Variants in TMCC1 observed in about 807,000 individuals in gnomAD.
The protein encoded by TMCC1 is transmembrane and coiled-coil domain family 1, also known as transmembrane and coiled-coil domains protein 1.
In TMCC1, 15 loss-of-function variants were observed where a neutral mutation model predicts 52.4. That is an observed-to-expected ratio of 0.29 (90% confidence interval 0.19 to 0.44). The LOEUF (loss-of-function observed/expected upper bound fraction) is 0.44, where lower values mean the gene tolerates loss of function less well. Among genes scored for constraint, TMCC1 ranks in the 20% least tolerant of loss-of-function variants. The pLI, the probability that TMCC1 is intolerant of heterozygous loss-of-function variation, is 1.00. For missense variants in TMCC1, 503 were observed against 806.0 expected, an observed-to-expected ratio of 0.62 and a Z score of 4.55; for synonymous variants, 279 against 301.9, an observed-to-expected ratio of 0.92 and a Z score of 0.79.
At chr3:129,677,732 A>G (rs2088581850) in intron 4 of TMCC1, among the ~76,000 whole-genome samples, 1 of 152,204 alleles carries the variant, frequency 6.6e-6, no homozygotes, top group Admixed American at 6.5e-5. Context: ...TGAAGAGTAG[A>G]GGGTCCAAGG....
chr3:129,736,048 C>T (rs906342123), intron 4 of TMCC1, among the ~76,000 whole-genome samples: 4 of 152,208 alleles, frequency 2.6e-5, no homozygotes, highest in African/African-American at 9.7e-5. Context: ...GGGAGTTTTA[C>T]TCATTCTATA....
intron 4 of TMCC1, among the ~76,000 whole-genome samples, chr3:129,785,318 T>C (rs975615225): frequency 1.3e-5 from 2 of 152,160 alleles, no homozygotes; most frequent in Non-Finnish European, 2.9e-5. Flanking sequence ...ATTACCATGT[T>C]CCAAGTTTTC....
intron 4 of TMCC1, among the ~76,000 whole-genome samples, chr3:129,712,107 G>T (rs2048744984): frequency 6.6e-6 from 1 of 151,904 alleles, no homozygotes; most frequent in Admixed American, 6.6e-5. Flanking sequence ...AACCCGGGAG[G>T]TGAAGGATGC....
intron 2 of TMCC1, among the ~76,000 whole-genome samples, chr3:129,855,505 A>G (rs2060111774): frequency 6.6e-6 from 1 of 152,138 alleles, no homozygotes; most frequent in Admixed American, 6.6e-5. Flanking sequence ...AGAAAAAAAA[A>G]ACTCAGCAGA....
chr3:129,875,490 CAAA>C (rs370431347), intron 2 of TMCC1, among the ~76,000 whole-genome samples: 758 of 17,198 alleles, frequency 0.044, 4 homozygotes, highest in African/African-American at 0.12. Context: ...GACTCCATCT[CAAA>C]AAAAAAAAAA....
chr3:129,678,950 T>C (rs1410608604), intron 4 of TMCC1, among the ~76,000 whole-genome samples: 1 of 152,166 alleles, frequency 6.6e-6, no homozygotes, highest in Non-Finnish European at 1.5e-5. Flanking sequence ...ATAAGTCAGA[T>C]TACGACACTC....
chr3:129,838,475 G>C (rs2059267347), intron 2 of TMCC1, among the ~76,000 whole-genome samples: 1 of 151,948 alleles, frequency 6.6e-6, no homozygotes, highest in Non-Finnish European at 1.5e-5. Context: ...AAAAAAGGGG[G>C]CTGGGCACGG....
intron 2 of TMCC1, among the ~76,000 whole-genome samples, chr3:129,836,606 C>G (rs1388060739): frequency 6.6e-6 from 1 of 152,200 alleles, no homozygotes; most frequent in Non-Finnish European, 1.5e-5. Context: ...GGCAATACAA[C>G]ATTTATGGAG....
At chr3:129,713,073 G>A (rs758651854) in intron 4 of TMCC1, among the ~76,000 whole-genome samples, 86 of 151,804 alleles carry the variant, frequency 5.7e-4, no homozygotes, top group Non-Finnish European at 8.2e-4. Context: ...AGCAGACTGG[G>A]CAACATAGTG....
chr3:129,795,552 T>C (rs1420480279), intron 4 of TMCC1, among the ~76,000 whole-genome samples: 7 of 152,232 alleles, frequency 4.6e-5, no homozygotes, highest in Admixed American at 6.5e-5. Flanking sequence ...GAACCTACTA[T>C]GTGCAGTCAC....
chr3:129,787,222 C>T (rs1278052106), intron 4 of TMCC1, among the ~76,000 whole-genome samples: 2 of 152,126 alleles, frequency 1.3e-5, no homozygotes, highest in Non-Finnish European at 2.9e-5. Context: ...CCATGATTTA[C>T]TTAATTTCAA....
chr3:129,873,073 G>C (rs2061008459), intron 2 of TMCC1, among the ~76,000 whole-genome samples: 1 of 151,948 alleles, frequency 6.6e-6, no homozygotes, highest in Non-Finnish European at 1.5e-5. Context: ...GCTAGTTTTT[G>C]TATTTTTAGT....
chr3:129,835,336 T>C (rs942340269), intron 2 of TMCC1, among the ~76,000 whole-genome samples: 2 of 151,688 alleles, frequency 1.3e-5, no homozygotes, highest in South Asian at 2.1e-4. Flanking sequence ...TTCATATATA[T>C]ATATATATAT....
chr3:129,821,882 C>T (rs2058441060), intron 4 of TMCC1, among the ~76,000 whole-genome samples: 1 of 151,968 alleles, frequency 6.6e-6, no homozygotes, highest in South Asian at 2.1e-4. Flanking sequence ...CTGGGCAACA[C>T]CGCAAAACTC....
intron 2 of TMCC1, among the ~76,000 whole-genome samples, chr3:129,836,107 T>C (rs2059148913): frequency 1.3e-5 from 2 of 152,186 alleles, no homozygotes; most frequent in Admixed American, 1.3e-4. Context: ...TAGACTTCAA[T>C]GCACAAAAGC....
chr3:129,818,433 CTTTTAAAGAAAA>C (rs970901232), intron 4 of TMCC1, among the ~76,000 whole-genome samples: 6 of 145,654 alleles, frequency 4.1e-5, no homozygotes, highest in African/African-American at 1.3e-4. Context: ...TTTAAAGAAA[CTTTTAAAGAAAA>C]GTTTTAAAGA....
intron 5 of TMCC1, among the ~76,000 whole-genome samples, chr3:129,659,731 G>A (rs1306721648): frequency 6.6e-6 from 1 of 152,162 alleles, no homozygotes; most frequent in East Asian, 1.9e-4. Flanking sequence ...CCCATATTAT[G>A]TCTAGAGGTG....
intron 4 of TMCC1, chr3:129,688,729 C>A (rs1039766116): frequency 6.9e-5 from 68 of 985,308 alleles, no homozygotes; most frequent in Non-Finnish European, 7.7e-5. Flanking sequence ...GCAGCTAATG[C>A]AAATGAATAG....
In TMCC1 at chr3:129,759,377, C is replaced by T. The variant is rs2053295842; in HGVS notation, c.576+68426G>A. Among the ~76,000 whole-genome samples the T allele has an allele frequency of 2.0e-5, 3 of 151,446 alleles. No individual in the cohort carries two copies. In the South Asian group the frequency reaches 6.2e-4, roughly 32 times the overall value. On this transcript the variant is annotated intron_variant, in intron 4 of 6. Transcript: ENST00000393238. ...GGGCCTCCTGGTTTCAAGCGATTCT[C>T]CTGCCTCATCCTCCCAAGCAGCTGG...
Sources: gnomAD v4.1 joint callset for allele counts (sites outside exome capture counted in the v4.1 genomes callset) on GRCh38, gnomAD v4.1.1 for gene constraint, MANE v1.5 for transcripts, NCBI Gene and HGNC (gene_info 2026-07-23, HGNC 2026-07-21) for gene names.